RBM41: variants seen among roughly 807,000 people sequenced by gnomAD.
RBM41 encodes RNA-binding protein 41.
In RBM41, 14 loss-of-function variants were observed where a neutral mutation model predicts 30.8. The ratio of observed to expected loss-of-function variants is 0.45; its 90% CI spans 0.30 to 0.71. The LOEUF is 0.71. Ranked by LOEUF, RBM41 falls within the 30% of genes least tolerant of loss-of-function variation. The probability of loss-of-function intolerance (pLI) is 0.08; values close to 1 mark genes in which losing one functional copy is unlikely to be tolerated. For synonymous variants in RBM41, 120 were observed against 110.1 expected (o/e 1.09, Z -0.56); for missense variants, 276 against 326.3 (o/e 0.85, Z 1.19).
At chrX:107,056,397 C>A in the RBM41 span, among the ~76,000 whole-genome samples, 1 of 111,869 alleles carries the variant, frequency 8.9e-6, no homozygotes, top group African/African-American at 3.2e-5. Flanking sequence ...TAATACTAGC[C>A]TCATAGAATG....
At chrX:107,092,079 C>T (rs1922587860) in intron 5 of RBM41, among the ~76,000 whole-genome samples, 1 of 111,640 alleles carries the variant, frequency 9.0e-6, no homozygotes, top group Admixed American at 9.5e-5. Context: ...TGTAATTTTT[C>T]TATGTATTGT....
Position 107,116,709 on chromosome X carries a change from C to G in RBM41, c.66G>C (p.Gly22=), listed in dbSNP as rs750112307. 2 of 1,210,962 alleles carry G rather than the reference C, an allele frequency of 1.7e-6. No homozygotes were observed. Among genetic ancestry groups the G allele is most frequent in the African/African-American group, 3.5e-5 (2 of 57,833 alleles). The part of the protein sequence containing the change: ...EHVLEELETE[G]ERQLKSLLQH... ...GAAGGAGGCTTTTCAGCTGCCTCTC[C>G]CCTTCTGTTTCCAGCTCCTCCAGGA... Residue 22 remains glycine, a synonymous_variant, in exon 2 of 8, where the codon GGG becomes GGC. Coordinates refer to ENST00000685964, the MANE Select transcript of RBM41 (RefSeq NM_001324242.2).
chrX:107,092,170 G>A (rs1438695390), intron 5 of RBM41, among the ~76,000 whole-genome samples: 3 of 108,855 alleles, frequency 2.8e-5, no homozygotes, highest in African/African-American at 1.0e-4. Context: ...TATTTCCTAA[G>A]ACACAAAAAG....
chrX:107,097,564 T>C (rs1055468247), intron 5 of RBM41, among the ~76,000 whole-genome samples: 2 of 111,569 alleles, frequency 1.8e-5, no homozygotes, highest in South Asian at 3.8e-4. Context: ...GTGAAGAAGG[T>C]GTCTGCTTCC....
At chrX:107,113,279 C>T in intron 5 of RBM41, 118 bp downstream of exon 5, 1 of 847,488 alleles carries the variant, frequency 1.2e-6, no homozygotes, top group Non-Finnish European at 1.5e-6. Flanking sequence ...TAATATGCTC[C>T]CTCTGGATCA....
chrX:107,100,969 A>T (rs1429205893), intron 5 of RBM41, among the ~76,000 whole-genome samples: 1 of 112,311 alleles, frequency 8.9e-6, no homozygotes, highest in African/African-American at 3.2e-5. Flanking sequence ...GAATATCTCA[A>T]ATATAATTGC....
At position 107,067,659 on chromosome X, in the gene RBM41, T is replaced by G. The variant is rs976720064; in HGVS notation, c.1182A>C (p.Val394=). 1.7e-6 allele frequency: 2 copies of G among 1,207,990 alleles called. No individual in the cohort carries two copies. Among genetic ancestry groups the G allele is most frequent in the African/African-American group, 3.5e-5 (2 of 57,280 alleles). Residue 394 remains valine, a synonymous_variant, in exon 8 of 8, where the codon GTA becomes GTC. Coordinates refer to ENST00000685964, the MANE Select transcript of RBM41 (RefSeq NM_001324242.2). ...KEIAWQALHL[V]NGYKLHGKIL... Reference sequence around the variant, plus strand: ...TTTTCCCATGTAGTTTGTATCCATTTACTAGATGCAATGCTTGCCATGCTA... The same window carrying G: ...TTTTCCCATGTAGTTTGTATCCATTGACTAGATGCAATGCTTGCCATGCTA...
At chrX:107,090,742 G>A (rs1452373244) in intron 5 of RBM41, among the ~76,000 whole-genome samples, 1 of 110,540 alleles carries the variant, frequency 9.0e-6, no homozygotes, top group African/African-American at 3.3e-5. Flanking sequence ...ACAAAAGCTA[G>A]GACATTTTTT....
rs559574315 is a variant in RBM41, at chrX:107,064,287, A to C, written c.*3240T>G. Reference sequence around the variant, plus strand: ...CTTAAGTACAGGCATTTGTACCTATAGATTTCCCTGTAAACACTGCTTTAG... The same window carrying C: ...CTTAAGTACAGGCATTTGTACCTATCGATTTCCCTGTAAACACTGCTTTAG... On this transcript the variant is annotated 3_prime_UTR_variant, in exon 8 of 8. Coordinates refer to ENST00000685964, the MANE Select transcript of RBM41 (RefSeq NM_001324242.2). The C allele has an allele frequency of 1.8e-5, 2 of 110,744 alleles. No homozygotes were observed. Among genetic ancestry groups the C allele is most frequent in the African/African-American group, 6.6e-5 (2 of 30,400 alleles). The allele number at this position is 110,744 out of a possible 1,213,427, so 9.1% of individuals were successfully genotyped here.
the RBM41 span, among the ~76,000 whole-genome samples, chrX:107,056,326 G>A: frequency 8.9e-6 from 1 of 111,757 alleles, no homozygotes; most frequent in Non-Finnish European, 1.9e-5. Context: ...ATCTGTATTC[G>A]TAAGGGACAT....
At chrX:107,104,637 G>T (rs188010613) in intron 5 of RBM41, among the ~76,000 whole-genome samples, 1 of 111,223 alleles carries the variant, frequency 9.0e-6, no homozygotes, top group African/African-American at 3.3e-5. Context: ...GGCCTTTTCT[G>T]CATCTATTGA....
chrX:107,069,538 T>C, intron 6 of RBM41, 136 bp from the exon 7 acceptor site: 1 of 692,930 alleles, frequency 1.4e-6, no homozygotes, highest in Non-Finnish European at 2.0e-6. Flanking sequence ...CACTGCAACC[T>C]TGGCCTCCCA....
chrX:107,116,257 ATATT>A, intron 2 of RBM41: 2 of 957,042 alleles, frequency 2.1e-6, no homozygotes, highest in Non-Finnish European at 2.6e-6. Flanking sequence ...AAATCAACAA[ATATT>A]TATTGAGTAC....
In RBM41 at chrX:107,062,640, TA is replaced by T. The variant is rs397973476; in HGVS notation, c.*4886del. ...AATATTTTTTAAAAAATTTTTTAGT[TA>T]AAAAAAAAAATGAAAAAAGTAAAAA... On this transcript the variant is annotated 3_prime_UTR_variant, in exon 8 of 8. Transcript: ENST00000685964. Among the ~76,000 whole-genome samples, 80 of 104,700 alleles carry T rather than the reference TA, an allele frequency of 7.6e-4. No individual in the cohort carries two copies. The highest frequency in any genetic ancestry group is 1.7e-3 in the South Asian group (4 of 2,418). 90.9% of individuals were successfully genotyped at this position (104,700 alleles called of 115,157 possible). A position where few individuals can be genotyped will look rare whatever the true frequency, so the allele number is the denominator to read the frequency against.
chrX:107,079,636 G>A (rs988204849), intron 6 of RBM41, among the ~76,000 whole-genome samples: 3 of 111,797 alleles, frequency 2.7e-5, no homozygotes, highest in Admixed American at 9.5e-5. Context: ...TCCTAAATGA[G>A]TTTTTAACAT....
Position 107,064,700 on chromosome X carries a change from G to A in RBM41, c.*2827C>T, listed in dbSNP as rs999338699. Reference sequence around the variant, plus strand: ...AGGCTTGTTTTATGCTTTAACTTATGACCTATTTTGGAGATGTTTCATATG... The same window carrying A: ...AGGCTTGTTTTATGCTTTAACTTATAACCTATTTTGGAGATGTTTCATATG... On this transcript the variant is annotated 3_prime_UTR_variant, in exon 8 of 8. Transcript: ENST00000685964. The A allele has an allele frequency of 8.9e-6, 1 of 111,746 alleles. No homozygotes were observed. The highest frequency in any genetic ancestry group is 3.3e-5 in the African/African-American group (1 of 30,753). The allele number at this position is 111,746 out of a possible 1,213,427, so 9.2% of individuals were successfully genotyped here.
At chrX:107,069,940 C>T (rs1169393300) in intron 6 of RBM41, 7 of 139,221 alleles carry the variant, frequency 5.0e-5, no homozygotes, top group Non-Finnish European at 8.2e-5. Context: ...CAATAATAAT[C>T]TGGAAGATGA....
In RBM41 at chrX:107,069,327, T is replaced by C; in HGVS notation, c.1075A>G (p.Lys359Glu). The C allele has an allele frequency of 8.3e-7, 1 of 1,210,794 alleles. No individual in the cohort carries two copies. The highest frequency in any genetic ancestry group is 1.1e-6 in the Non-Finnish European group (1 of 894,954). Residue 359 changes from lysine (K) to glutamate (E), a missense_variant, in exon 7 of 8, where the codon AAA becomes GAA. Physicochemically the swap from Lys to Glu is moderately conservative, Grantham distance 56. Coordinates refer to ENST00000685964, the MANE Select transcript of RBM41 (RefSeq NM_001324242.2). ...CGGAATTGAATTGGAGGTCCTTTTTTCTCCTGGAACCGAGCGAACAATGAC... is the reference window on the plus strand; with the variant it reads ...CGGAATTGAATTGGAGGTCCTTTTTCCTCCTGGAACCGAGCGAACAATGAC... ...LVSLFARFQE[K>E]KGPPIQFRMM...
chrX:107,090,461 A>G (rs1922435158), intron 5 of RBM41, among the ~76,000 whole-genome samples: 1 of 112,170 alleles, frequency 8.9e-6, no homozygotes, highest in African/African-American at 3.2e-5. Context: ...ATCTGTGTCA[A>G]TTAAACATAC....
Sources: allele counts gnomAD v4.1 joint callset (sites outside exome capture counted in the v4.1 genomes callset), GRCh38; gene constraint gnomAD v4.1.1; transcripts MANE v1.5; gene names NCBI Gene and HGNC (gene_info 2026-07-23, HGNC 2026-07-21).